JMJD1C: variants seen among roughly 807,000 people sequenced by gnomAD.
JMJD1C encodes the protein jumonji domain containing 1C, also known as jumonji domain-containing protein 1C.
Under a neutral mutation model 245.3 loss-of-function variants are expected in JMJD1C, and 31 were observed. The ratio of observed to expected loss-of-function variants is 0.13; its 90% confidence interval spans 0.09 to 0.17. The LOEUF (loss-of-function observed/expected upper bound fraction) is 0.17. JMJD1C is among the 10% of genes least tolerant of loss of function. The pLI is 1.00. For synonymous variants in JMJD1C, 1,057 were observed against 1,017.4 expected (o/e 1.04, Z -0.74); for missense variants, 2,691 against 3,000.2 (o/e 0.90, Z 2.41).
Position 63,292,991 on chromosome 10 carries a change from C to A in JMJD1C, c.334-28227G>T, listed in dbSNP as rs1473631385. ...CTCAGGAGGCAGAGGTTGCAGTGAGCCGAGATCATGCCACTGCACTCCAGC... is the reference window on the plus strand; with the variant it reads ...CTCAGGAGGCAGAGGTTGCAGTGAGACGAGATCATGCCACTGCACTCCAGC... On this transcript the variant is annotated intron_variant, in intron 2 of 25. Coordinates refer to ENST00000399262, the MANE Select transcript of JMJD1C (RefSeq NM_032776.3). Among the ~76,000 whole-genome samples, 4 of 152,294 alleles carry A rather than the reference C, an allele frequency of 2.6e-5. No homozygotes were observed. The East Asian group carries it at 5.8e-4, about 22-fold the overall frequency.
At position 63,316,274 on chromosome 10, in the gene JMJD1C, G is replaced by C. The variant is rs193227543; in HGVS notation, c.334-51510C>G. Among the ~76,000 whole-genome samples, 143 of 152,298 alleles carry C rather than the reference G, an allele frequency of 9.4e-4. 1 individual carries two copies. The highest frequency in any genetic ancestry group is 3.1e-3 in the African/African-American group (129 of 41,564). Reference sequence around the variant, plus strand: ...AAATTTTTTGATTAGTTAGAAGTACGCAGTAATTTTCATATCTGTTTTTCC... The same window carrying C: ...AAATTTTTTGATTAGTTAGAAGTACCCAGTAATTTTCATATCTGTTTTTCC... On this transcript the variant is annotated intron_variant, in intron 2 of 25. Transcript: ENST00000399262.
At chr10:63,205,326 T>A (rs1846470574) in intron 10 of JMJD1C, among the ~76,000 whole-genome samples, 2 of 152,180 alleles carry the variant, frequency 1.3e-5, no homozygotes, top group Non-Finnish European at 2.9e-5. Flanking sequence ...CCAGATGATA[T>A]AAGAGTGAAA....
chr10:63,247,807 A>G (rs543265393), intron 3 of JMJD1C, among the ~76,000 whole-genome samples: 22 of 151,098 alleles, frequency 1.5e-4, no homozygotes, highest in Admixed American at 6.6e-5. Context: ...TGACTTTACT[A>G]CTGAATTCTA....
intron 2 of JMJD1C, among the ~76,000 whole-genome samples, chr10:63,361,719 T>TAAAAAAAAAAAAAAA (rs55879769): frequency 2.1e-5 from 2 of 95,548 alleles, no homozygotes; most frequent in African/African-American, 8.8e-5. Context: ...CTGTCTCAAC[T>TAAAAAAAAAAAAAAA]AAAAAAAAAA....
intron 2 of JMJD1C, among the ~76,000 whole-genome samples, chr10:63,341,918 A>T (rs1943417869): frequency 6.6e-6 from 1 of 152,258 alleles, no homozygotes; most frequent in South Asian, 2.1e-4. Flanking sequence ...CTTTGGACAC[A>T]GTTACTAATG....
At chr10:63,486,024 TG>T (rs1234732467) in intron 1 of JMJD1C, among the ~76,000 whole-genome samples, 5 of 151,610 alleles carry the variant, frequency 3.3e-5, no homozygotes, top group Admixed American at 6.6e-5. Context: ...AATCCAGGAT[TG>T]GGGTCAGGGA....
At chr10:63,337,872 G>C (rs1041269481) in intron 2 of JMJD1C, among the ~76,000 whole-genome samples, 6 of 152,196 alleles carry the variant, frequency 3.9e-5, no homozygotes, top group African/African-American at 9.6e-5. Context: ...CAAAGTATTT[G>C]ATAATTTAAA....
intron 2 of JMJD1C, among the ~76,000 whole-genome samples, chr10:63,328,300 G>T (rs1052508121): frequency 1.3e-5 from 2 of 150,116 alleles, no homozygotes; most frequent in African/African-American, 2.5e-5. Context: ...AGAAAGAAAA[G>T]AAATATATAA....
intron 2 of JMJD1C, among the ~76,000 whole-genome samples, chr10:63,334,362 C>T (rs539166479): frequency 3.3e-5 from 5 of 152,232 alleles, no homozygotes; most frequent in African/African-American, 4.8e-5. Flanking sequence ...CATTAAAATA[C>T]TAATGAACAC....
At chr10:63,267,883 T>TG (rs1186876331) in intron 2 of JMJD1C, among the ~76,000 whole-genome samples, 1 of 152,114 alleles carries the variant, frequency 6.6e-6, no homozygotes, top group Non-Finnish European at 1.5e-5. Flanking sequence ...AACTGTATCC[T>TG]GTTTGGGGCT....
chr10:63,465,667 G>A lies in JMJD1C; in HGVS notation c.-5C>T. On this transcript the variant is annotated 5_prime_UTR_variant, in exon 1 of 26. Transcript: ENST00000399262. Reference sequence around the variant, plus strand: ...TGCCCGCGTCTCTACCGCCATAGCTGTCGCTGCCGAAGCGGCCGCTGCCTC... The same window carrying A: ...TGCCCGCGTCTCTACCGCCATAGCTATCGCTGCCGAAGCGGCCGCTGCCTC... The A allele has an allele frequency of 6.2e-7, 1 of 1,607,812 alleles. No individual in the cohort carries two copies. The highest frequency in any genetic ancestry group is 8.5e-7 in the Non-Finnish European group (1 of 1,179,834).
At chr10:63,168,340 C>T (rs1842038790) in intron 25 of JMJD1C, 95 bp downstream of exon 25, 1 of 1,300,730 alleles carries the variant, frequency 7.7e-7, no homozygotes, top group Non-Finnish European at 1.1e-6. Context: ...CCTAATGTGA[C>T]CAACTAGGCA....
chr10:63,439,131 C>T (rs748040964), intron 1 of JMJD1C, among the ~76,000 whole-genome samples: 17 of 152,172 alleles, frequency 1.1e-4, no homozygotes, highest in Non-Finnish European at 2.5e-4. Flanking sequence ...CTAAATAACA[C>T]TGATATTTGA....
Position 63,186,488 on chromosome 10 carries a change from G to T in JMJD1C, c.6571-105C>A, listed in dbSNP as rs7897511. 5.7e-3 allele frequency: 4,985 copies of T among 873,914 alleles called. 163 individuals are homozygous for T. In the African/African-American group the frequency reaches 0.073, roughly 13 times the overall value. The allele number at this position is 873,914 out of a possible 1,614,324, so 54.1% of individuals were successfully genotyped here. A position where few individuals can be genotyped will look rare whatever the true frequency, so the allele number is the denominator to read the frequency against. ...GAGTCTTGCTCTCTTACCCAGGCTG[G>T]AGAGCAGTGGCCTCATCATACCTGA... On this transcript the variant is annotated intron_variant, in intron 18 of 25. Coordinates refer to ENST00000399262, the MANE Select transcript of JMJD1C (RefSeq NM_032776.3).
intron 2 of JMJD1C, among the ~76,000 whole-genome samples, chr10:63,279,846 T>C (rs1857202687): frequency 6.6e-6 from 1 of 151,656 alleles, no homozygotes; most frequent in Admixed American, 6.6e-5. Flanking sequence ...TAAATGGGAG[T>C]GGGGGGAATC....
At chr10:63,365,553 G>C (rs191994872) in intron 2 of JMJD1C, among the ~76,000 whole-genome samples, 1 of 152,098 alleles carries the variant, frequency 6.6e-6, no homozygotes, top group African/African-American at 2.4e-5. Context: ...GGTGGATCAC[G>C]AGGTCAGGAG....
intron 1 of JMJD1C, among the ~76,000 whole-genome samples, chr10:63,400,725 C>A (rs1948796984): frequency 6.6e-6 from 1 of 152,104 alleles, no homozygotes; most frequent in African/African-American, 2.4e-5. Context: ...CCACACCCGG[C>A]TGATTTTTGT....
chr10:63,432,018 A>C (rs980207834), intron 1 of JMJD1C, among the ~76,000 whole-genome samples: 2 of 152,180 alleles, frequency 1.3e-5, no homozygotes, highest in Non-Finnish European at 2.9e-5. Context: ...CTGAAAAGAA[A>C]AAGAAAAAGA....
chr10:63,458,939 C>G (rs1052203186), intron 1 of JMJD1C, among the ~76,000 whole-genome samples: 1 of 152,138 alleles, frequency 6.6e-6, no homozygotes, highest in Non-Finnish European at 1.5e-5. Flanking sequence ...CCAGGCTGGT[C>G]TTGAACTCCT....
Sources: gnomAD v4.1 joint callset for allele counts (sites outside exome capture counted in the v4.1 genomes callset) on GRCh38, gnomAD v4.1.1 for gene constraint, MANE v1.5 for transcripts, NCBI Gene and HGNC (gene_info 2026-07-23, HGNC 2026-07-21) for gene names.